TMEM150B: variants seen among roughly 807,000 people sequenced by gnomAD.
TMEM150B encodes the protein transmembrane protein 150B, also known as modulator of macroautophagy TMEM150B.
A neutral mutation model predicts 25.2 loss-of-function variants in TMEM150B; 33 were observed. The observed-to-expected ratio is 1.31, with a 90% CI of 0.99 to 1.75. TMEM150B has a LOEUF of 1.75. Among genes scored for constraint, TMEM150B ranks in the 40% most tolerant of loss-of-function variants. The probability of loss-of-function intolerance (pLI) is 0.00; values close to 1 mark genes in which losing one functional copy is unlikely to be tolerated. For synonymous variants in TMEM150B, 133 were observed against 134.8 expected (o/e 0.99, Z 0.09); for missense variants, 322 against 306.1 (o/e 1.05, Z -0.39).
downstream of TMEM150B, chr19:55,311,981 C>T: frequency 1.9e-6 from 3 of 1,584,098 alleles, no homozygotes; most frequent in Non-Finnish European, 2.6e-6. Context: ...CACCCGGCCG[C>T]CCAGACCCAG....
chr19:55,316,676 G>A (rs2089011189), intron 7 of TMEM150B, 110 bp downstream of exon 7: 2 of 1,161,946 alleles, frequency 1.7e-6, no homozygotes, highest in Admixed American at 4.0e-5. Context: ...TGTGCAAAGA[G>A]TGAGGCCCAG....
Position 55,320,437 on chromosome 19 carries a change from A to G in TMEM150B, c.150T>C (p.Pro50=), listed in dbSNP as rs1569003189. The stretch of plus-strand genomic sequence containing the variant: ...GCACCTGGCTGAAGATGCAGCTCTG[A>G]GGGGGGAAGGATCCGCAGATGCTGG... ...PYISICGSFP[P]QSCIFSQVLN... Residue 50 remains proline (P), a synonymous_variant, in exon 5 of 8, where the codon CCT becomes CCC. Transcript: ENST00000326652. The G allele has an allele frequency of 6.3e-7, 1 of 1,587,922 alleles. No individual in the cohort carries two copies. The highest frequency in any genetic ancestry group is 8.6e-7 in the Non-Finnish European group (1 of 1,165,730).
chr19:55,324,308 G>A (rs552154013), intron 1 of TMEM150B, among the ~76,000 whole-genome samples: 2 of 151,446 alleles, frequency 1.3e-5, no homozygotes, highest in South Asian at 4.2e-4. Flanking sequence ...ATCGAGACCA[G>A]CCTGGCCAAC....
chr19:55,325,198 C>A, intron 1 of TMEM150B, 74 bp downstream of exon 1: 1 of 872,446 alleles, frequency 1.1e-6, no homozygotes, highest in Non-Finnish European at 1.4e-6. Context: ...CTGCTTGGAC[C>A]CTCCCTGGGA....
intron 3 of TMEM150B, 132 bp from the exon 4 acceptor site, chr19:55,320,749 G>A: frequency 9.2e-7 from 1 of 1,090,916 alleles, no homozygotes. Context: ...TCCTCCCTCA[G>A]ACCCAGGAGT....
intron 1 of TMEM150B, 38 bp downstream of exon 1, chr19:55,325,234 C>T (rs2089303016): frequency 1.2e-5 from 12 of 979,940 alleles, no homozygotes; most frequent in Non-Finnish European, 1.5e-5. Context: ...CTCCAGCCTG[C>T]CGAGCTACTT....
chr19:55,317,784 GA>G (rs71181755), intron 6 of TMEM150B, among the ~76,000 whole-genome samples: 15 of 142,406 alleles, frequency 1.1e-4, no homozygotes, highest in East Asian at 4.1e-4. Context: ...TCCATCTCAA[GA>G]AAAAAAAAAA....
intron 1 of TMEM150B, among the ~76,000 whole-genome samples, chr19:55,323,406 T>C (rs113371565): frequency 0.038 from 5,706 of 151,078 alleles, 118 homozygotes; most frequent in African/African-American, 0.058. Flanking sequence ...GACTCCAGCC[T>C]GGGTGACAAG....
Position 55,320,920 on chromosome 19 carries a change from G to A in TMEM150B, c.68+49C>T, listed in dbSNP as rs745463144. ...CTCAGACCCAGAAATCCAGGCCCCA[G>A]CCCCCTCCACCCTCAGACCCAGGAG... On this transcript the variant is annotated intron_variant, in intron 3 of 7. Coordinates refer to ENST00000326652, the MANE Select transcript of TMEM150B (RefSeq NM_001282011.2). 52 of 1,590,764 alleles carry A rather than the reference G, an allele frequency of 3.3e-5. 1 individual carries two copies. The South Asian group carries it at 5.4e-4, about 16-fold the overall frequency.
chr19:55,324,727 T>TC, intron 1 of TMEM150B: 2 of 985,402 alleles, frequency 2.0e-6, no homozygotes, highest in Non-Finnish European at 2.4e-6. Context: ...GGCAAAGCTC[T>TC]CCAAGTCCTC....
At chr19:55,314,869 C>T (rs1658035992) in intron 7 of TMEM150B, among the ~76,000 whole-genome samples, 1 of 152,202 alleles carries the variant, frequency 6.6e-6, no homozygotes, top group Non-Finnish European at 1.5e-5. Flanking sequence ...GAAACGGATG[C>T]ACTTAATACA....
chr19:55,312,228 T>G, downstream of TMEM150B: 1 of 357,662 alleles, frequency 2.8e-6, no homozygotes. Flanking sequence ...CGTGCCCAAC[T>G]GGGGGTGGTT....
chr19:55,319,134 T>G (rs1306517183), intron 6 of TMEM150B, among the ~76,000 whole-genome samples: 5 of 151,694 alleles, frequency 3.3e-5, no homozygotes, highest in Non-Finnish European at 4.4e-5. Flanking sequence ...TTTTTGAGAC[T>G]GAGTCTCACT....
chr19:55,321,892 C>G (rs1174773299), intron 2 of TMEM150B, among the ~76,000 whole-genome samples: 2 of 152,136 alleles, frequency 1.3e-5, no homozygotes, highest in African/African-American at 4.8e-5. Context: ...ACTGACAACC[C>G]TGCCTCCTCC....
At position 55,320,475 on chromosome 19, in the gene TMEM150B, G is replaced by C; in HGVS notation, c.129-17C>G. ...CCGCAGATGCTGGGGAAGACAAAGG[G>C]GTCATCCTGGGCAATCCAAGCTAGG... On this transcript the variant is annotated splice_polypyrimidine_tract_variant and intron_variant, in intron 4 of 7. Transcript: ENST00000326652. The C allele has an allele frequency of 6.2e-7, 1 of 1,602,010 alleles. No individual in the cohort carries two copies. Among genetic ancestry groups the C allele is most frequent in the Non-Finnish European group, 8.5e-7 (1 of 1,173,280 alleles).
At chr19:55,320,858 T>C (rs1389859893) in intron 3 of TMEM150B, 111 bp downstream of exon 3, 2 of 1,196,608 alleles carry the variant, frequency 1.7e-6, no homozygotes, top group Non-Finnish European at 2.2e-6. Flanking sequence ...TCCTCCTCCC[T>C]CAGATCCAGG....
Position 55,312,999 on chromosome 19 carries a change from C to A in TMEM150B, c.562G>T (p.Val188Leu), listed in dbSNP as rs775523404. ...RSVSAACEWV[V>L]AMLLFALFGL... ...AAGAGCGCGAACAGCAGCATGGCCA[C>A]GACCCACTCGCAGGCCGCAGAGACG... Residue 188 changes from valine (V) to leucine (L), a missense_variant, in exon 8 of 8, where the codon GTG (valine) becomes TTG (leucine). Coordinates refer to ENST00000326652, the MANE Select transcript of TMEM150B (RefSeq NM_001282011.2). The A allele has an allele frequency of 6.2e-7, 1 of 1,613,604 alleles. No homozygotes were observed. Among genetic ancestry groups the A allele is most frequent in the Admixed American group, 1.7e-5 (1 of 59,994 alleles).
chr19:55,314,064 C>T (rs2088909605), intron 7 of TMEM150B, among the ~76,000 whole-genome samples: 1 of 152,184 alleles, frequency 6.6e-6, no homozygotes, highest in Non-Finnish European at 1.5e-5. Flanking sequence ...CTCTGTGTCC[C>T]AGGCTGGAAT....
chr19:55,313,928 G>C (rs2088902298), intron 7 of TMEM150B, among the ~76,000 whole-genome samples: 1 of 152,198 alleles, frequency 6.6e-6, no homozygotes, highest in South Asian at 2.1e-4. Context: ...GCTGAGAAGT[G>C]GTGGCTCACG....
Sources: allele counts gnomAD v4.1 joint callset (sites outside exome capture counted in the v4.1 genomes callset), GRCh38; gene constraint gnomAD v4.1.1; transcripts MANE v1.5; gene names NCBI Gene and HGNC (gene_info 2026-07-23, HGNC 2026-07-21).